RIMS2: variants seen among roughly 807,000 people sequenced by gnomAD.
RIMS2 encodes regulating synaptic membrane exocytosis 2.
A neutral mutation model predicts 174.4 loss-of-function variants in RIMS2; 59 were observed. The observed-to-expected ratio is 0.34, with a 90% CI of 0.27 to 0.42. RIMS2 has a LOEUF of 0.42. Ranked by LOEUF, RIMS2 falls within the 10% of genes least tolerant of loss-of-function variation. RIMS2 has a pLI of 1.00. For missense variants in RIMS2, 1,620 were observed against 1,666.3 expected, an observed-to-expected ratio of 0.97 and a Z score of 0.48; for synonymous variants, 606 against 572.5, an observed-to-expected ratio of 1.06 and a Z score of -0.84.
In RIMS2 at chr8:103,874,558, G is replaced by T. The variant is rs527433151; in HGVS notation, c.699-10740G>T. ...TAATCTAACACATTTTTAGAGAATAGATTTAAATTAAAGGCTAAACAAGTA... is the reference window on the plus strand; with the variant it reads ...TAATCTAACACATTTTTAGAGAATATATTTAAATTAAAGGCTAAACAAGTA... On this transcript the variant is annotated intron_variant, in intron 3 of 23. Coordinates refer to ENST00000504942, the Ensembl canonical transcript of RIMS2. 1.1e-3 allele frequency among the ~76,000 whole-genome samples: 162 copies of T among 152,006 alleles called. No individual in the cohort carries two copies. The South Asian group carries it at 0.011, about 11-fold the overall frequency.
At chr8:104,229,408 G>A (rs1003765394) in intron 19 of RIMS2, among the ~76,000 whole-genome samples, 1 of 150,490 alleles carries the variant, frequency 6.6e-6, no homozygotes, top group African/African-American at 2.5e-5. Flanking sequence ...ACACAAAAAT[G>A]ATAGTATCAT....
At chr8:103,880,638 T>C in intron 3 of RIMS2, 1 of 520,434 alleles carries the variant, frequency 1.9e-6, no homozygotes, top group Non-Finnish European at 3.5e-6. Flanking sequence ...GTTGATGTAT[T>C]TTTGTCAACA....
At chr8:104,177,991 A>G (rs1310943823) in intron 19 of RIMS2, among the ~76,000 whole-genome samples, 1 of 152,196 alleles carries the variant, frequency 6.6e-6, no homozygotes, top group Admixed American at 6.5e-5. Flanking sequence ...ATATGGAAGC[A>G]GACAAGAAAT....
intron 19 of RIMS2, among the ~76,000 whole-genome samples, chr8:104,063,562 G>T (rs920064490): frequency 6.6e-6 from 1 of 152,162 alleles, no homozygotes; most frequent in Non-Finnish European, 1.5e-5. Context: ...TTACCCACAA[G>T]AATTTGAAGT....
chr8:103,814,865 T>A (rs2098709506), intron 3 of RIMS2, among the ~76,000 whole-genome samples: 1 of 152,138 alleles, frequency 6.6e-6, no homozygotes, highest in South Asian at 2.1e-4. Flanking sequence ...TCTATATCTA[T>A]ACTGATATAG....
intron 19 of RIMS2, among the ~76,000 whole-genome samples, chr8:104,092,137 A>C (rs1348723206): frequency 6.6e-6 from 1 of 151,842 alleles, no homozygotes; most frequent in African/African-American, 2.4e-5. Context: ...GAAAACAATC[A>C]ACAGATCACT....
intron 19 of RIMS2, among the ~76,000 whole-genome samples, chr8:104,023,763 G>A (rs901145822): frequency 8.5e-5 from 13 of 152,114 alleles, no homozygotes; most frequent in African/African-American, 2.4e-4. Context: ...ATTTACCACC[G>A]TAAGACTGGT....
At chr8:104,046,146 A>G (rs2154558215) in intron 19 of RIMS2, among the ~76,000 whole-genome samples, 1 of 152,194 alleles carries the variant, frequency 6.6e-6, no homozygotes, top group Non-Finnish European at 1.5e-5. Flanking sequence ...GGGACTGGAA[A>G]GTCTAAGTAA....
At chr8:103,527,886 A>T (rs984540837) in intron 1 of RIMS2, among the ~76,000 whole-genome samples, 3 of 152,292 alleles carry the variant, frequency 2.0e-5, no homozygotes, top group African/African-American at 7.2e-5. Flanking sequence ...CATGATTTAT[A>T]ATCCTTTGGG....
At chr8:103,951,586 C>G (rs2085378838) in intron 14 of RIMS2, among the ~76,000 whole-genome samples, 1 of 152,192 alleles carries the variant, frequency 6.6e-6, no homozygotes, top group Non-Finnish European at 1.5e-5. Context: ...TGTGCTTTTC[C>G]CATGGTCTTC....
At chr8:104,120,241 A>C (rs2098351784) in intron 19 of RIMS2, among the ~76,000 whole-genome samples, 1 of 152,210 alleles carries the variant, frequency 6.6e-6, no homozygotes, top group South Asian at 2.1e-4. Context: ...TTAACATTTA[A>C]AATCCAAAGC....
chr8:104,235,559 TTTAAATATGAAAAAGGGAATAA>T (rs2099253726), intron 19 of RIMS2, among the ~76,000 whole-genome samples: 1 of 151,840 alleles, frequency 6.6e-6, no homozygotes, highest in Non-Finnish European at 1.5e-5. Context: ...TTTGAAATAT[TTTAAATATGAAAAAGGGAATAA>T]TACAATGAAC....
chr8:103,637,739 A>T (rs887436339), intron 1 of RIMS2, among the ~76,000 whole-genome samples: 3 of 152,228 alleles, frequency 2.0e-5, no homozygotes, highest in African/African-American at 7.2e-5. Context: ...GTACAATACT[A>T]TTAAATAACT....
At chr8:103,889,848 A>T (rs2099232065) in intron 4 of RIMS2, among the ~76,000 whole-genome samples, 1 of 151,860 alleles carries the variant, frequency 6.6e-6, no homozygotes, top group East Asian at 1.9e-4. Context: ...AATTACAATG[A>T]CTGGGCCATT....
At chr8:103,702,755 C>G (rs1395494940) in intron 2 of RIMS2, among the ~76,000 whole-genome samples, 1 of 151,614 alleles carries the variant, frequency 6.6e-6, no homozygotes, top group Non-Finnish European at 1.5e-5. Context: ...TGTTCTTTTC[C>G]CTGGGTCTAT....
intron 1 of RIMS2, among the ~76,000 whole-genome samples, chr8:103,520,522 T>C (rs1215442498): frequency 1.3e-5 from 2 of 152,140 alleles, no homozygotes; most frequent in African/African-American, 4.8e-5. Flanking sequence ...AAATAAACAG[T>C]GTGCTGAAAA....
Position 104,191,495 on chromosome 8 carries a change from C to A in RIMS2, c.3335-53421C>A, listed in dbSNP as rs144093005. 5.3e-3 allele frequency among the ~76,000 whole-genome samples: 809 copies of A among 152,046 alleles called. 4 individuals carry two copies. Among genetic ancestry groups the A allele is most frequent in the African/African-American group, 0.018 (746 of 41,480 alleles). ...GTGAGTTCTATGCCTTTCCAAGAAA[C>A]AATTGAGCTTAAGACCAAAAGATAA... On this transcript the variant is annotated intron_variant, in intron 19 of 23. Coordinates refer to ENST00000504942, the Ensembl canonical transcript of RIMS2.
chr8:103,753,943 A>C (rs1459802070), intron 2 of RIMS2, among the ~76,000 whole-genome samples: 1 of 151,730 alleles, frequency 6.6e-6, no homozygotes, highest in South Asian at 2.1e-4. Context: ...TTCTGCTCTG[A>C]TCTTAGTTAT....
intron 1 of RIMS2, among the ~76,000 whole-genome samples, chr8:103,640,525 G>A (rs2096206359): frequency 1.3e-5 from 2 of 152,008 alleles, no homozygotes; most frequent in South Asian, 4.2e-4. Flanking sequence ...TCTAAGCACT[G>A]GTTTAGCTGC....
Sources: allele counts gnomAD v4.1 joint callset (sites outside exome capture counted in the v4.1 genomes callset), GRCh38; gene constraint gnomAD v4.1.1; transcripts MANE v1.5; gene names NCBI Gene and HGNC (gene_info 2026-07-23, HGNC 2026-07-21).